The following ROR2 variants were observed in gnomAD, a reference collection of about 807,000 sequenced individuals.
ROR2 encodes the protein ROR family WNT receptor 2.
Under a neutral mutation model 74.9 loss-of-function variants are expected in ROR2, and 33 were observed. That is an observed-to-expected ratio of 0.44 (90% CI 0.33 to 0.59). The LOEUF is 0.59. Among genes scored for constraint, ROR2 ranks in the 20% least tolerant of loss-of-function variants. The pLI is 0.02. For missense variants in ROR2, 1,216 were observed against 1,313.8 expected (o/e 0.93, Z 1.15); for synonymous variants, 586 against 558.7 (o/e 1.05, Z -0.69).
At chr9:91,891,945 G>A (rs976492170) in intron 1 of ROR2, among the ~76,000 whole-genome samples, 7 of 151,122 alleles carry the variant, frequency 4.6e-5, no homozygotes, top group African/African-American at 2.4e-5. Context: ...CTACTTAGGA[G>A]AATGAGGCAG....
chr9:91,875,608 A>T (rs1829934258), intron 1 of ROR2, among the ~76,000 whole-genome samples: 1 of 152,232 alleles, frequency 6.6e-6, no homozygotes, highest in African/African-American at 2.4e-5. Flanking sequence ...AAAGGTCACA[A>T]GACGTGCCAA....
chr9:91,833,058 C>T (rs1828511320), intron 1 of ROR2, among the ~76,000 whole-genome samples: 1 of 152,140 alleles, frequency 6.6e-6, no homozygotes, highest in African/African-American at 2.4e-5. Context: ...CTCCCCTAAG[C>T]CCTGCAACAC....
intron 1 of ROR2, among the ~76,000 whole-genome samples, chr9:91,785,531 C>G (rs984887718): frequency 6.6e-6 from 1 of 152,232 alleles, no homozygotes; most frequent in Non-Finnish European, 1.5e-5. Flanking sequence ...ACTAGGCACT[C>G]GAAAAATATC....
intron 1 of ROR2, among the ~76,000 whole-genome samples, chr9:91,847,461 A>G (rs1828965160): frequency 6.6e-6 from 1 of 152,168 alleles, no homozygotes; most frequent in Admixed American, 6.5e-5. Flanking sequence ...TGCATACCAC[A>G]CATATACTCC....
chr9:91,926,219 TAAAA>T lies in ROR2; in HGVS notation c.97+23644_97+23647del, dbSNP rs113100413. On this transcript the variant is annotated intron_variant, in intron 1 of 8. Transcript: ENST00000375708. ...ACATGGTGAAACCCCATCTCTACTT[TAAAA>T]AAAAAAAAAAATTAGCAGGGCATGT... 7.0e-5 allele frequency among the ~76,000 whole-genome samples: 10 copies of T among 143,372 alleles called. No individual in the cohort carries two copies. The South Asian group carries it at 2.2e-3, about 32-fold the overall frequency. The allele number at this position is 143,372 out of a possible 152,430, so 94.1% of individuals were successfully genotyped here.
At chr9:91,947,731 G>A (rs1023635785) in intron 1 of ROR2, among the ~76,000 whole-genome samples, 2 of 152,176 alleles carry the variant, frequency 1.3e-5, no homozygotes, top group Non-Finnish European at 2.9e-5. Context: ...CTATTAAAAT[G>A]TGGAATAAGA....
intron 1 of ROR2, among the ~76,000 whole-genome samples, chr9:91,818,607 T>C (rs1020121685): frequency 6.6e-6 from 1 of 152,122 alleles, no homozygotes; most frequent in African/African-American, 2.4e-5. Context: ...AGAGGAAGCA[T>C]ATGCCACAAA....
At chr9:91,793,105 G>A (rs1311872397) in intron 1 of ROR2, among the ~76,000 whole-genome samples, 1 of 152,008 alleles carries the variant, frequency 6.6e-6, no homozygotes, top group Non-Finnish European at 1.5e-5. Context: ...CAAAAACATC[G>A]AAGGAAACAA....
At chr9:91,805,309 C>A (rs901375328) in intron 1 of ROR2, among the ~76,000 whole-genome samples, 4 of 152,204 alleles carry the variant, frequency 2.6e-5, no homozygotes, top group Non-Finnish European at 4.4e-5. Context: ...ATTTGAGAGA[C>A]CATCATCCAG....
In ROR2 at chr9:91,926,562, A is replaced by G. The variant is rs572730693; in HGVS notation, c.97+23305T>C. 2.0e-5 allele frequency among the ~76,000 whole-genome samples: 3 copies of G among 151,580 alleles called. No individual in the cohort carries two copies. In the South Asian group the frequency reaches 6.2e-4, roughly 32 times the overall value. ...CCATCTCAAAAAAAAAAAAAAAAAG[A>G]AGACATCCTATATTTATCCTTGCAA... On this transcript the variant is annotated intron_variant, in intron 1 of 8. Coordinates refer to ENST00000375708, the MANE Select transcript of ROR2 (RefSeq NM_004560.4).
chr9:91,747,202 C>T (rs1477235487), intron 4 of ROR2, among the ~76,000 whole-genome samples: 3 of 152,238 alleles, frequency 2.0e-5, no homozygotes, highest in African/African-American at 4.8e-5. Flanking sequence ...TCTGTGGAGG[C>T]ACCGCCTTTT....
intron 1 of ROR2, chr9:91,883,234 C>G (rs1364610568): frequency 6.6e-6 from 1 of 152,126 alleles, no homozygotes; most frequent in Non-Finnish European, 1.5e-5. Flanking sequence ...GAATTATTAA[C>G]ACAAAACAGA....
intron 1 of ROR2, among the ~76,000 whole-genome samples, chr9:91,853,382 G>A (rs1350883925): frequency 6.6e-6 from 1 of 152,160 alleles, no homozygotes; most frequent in African/African-American, 2.4e-5. Flanking sequence ...ACACAGCCTG[G>A]GGTCAAAAAG....
At chr9:91,777,761 T>C (rs1352040236) in intron 1 of ROR2, among the ~76,000 whole-genome samples, 81 of 152,210 alleles carry the variant, frequency 5.3e-4, no homozygotes, top group Non-Finnish European at 5.9e-5. Context: ...TGGATTTACC[T>C]ATTCTGGACA....
chr9:91,891,954 A>G (rs781689045), intron 1 of ROR2, among the ~76,000 whole-genome samples: 5 of 151,920 alleles, frequency 3.3e-5, no homozygotes, highest in Non-Finnish European at 7.4e-5. Context: ...AGAATGAGGC[A>G]GAAGAACTGC....
At chr9:91,769,453 C>T (rs899436715) in intron 2 of ROR2, among the ~76,000 whole-genome samples, 1 of 152,178 alleles carries the variant, frequency 6.6e-6, no homozygotes, top group Non-Finnish European at 1.5e-5. Context: ...CCTGGGGGTT[C>T]CCTGAGCACG....
intron 1 of ROR2, among the ~76,000 whole-genome samples, chr9:91,900,114 TGACA>T (rs779337786): frequency 6.6e-6 from 1 of 152,150 alleles, no homozygotes. Context: ...GCCTGCAAAC[TGACA>T]GACAGCAAGT....
At chr9:91,878,004 A>G (rs916877162) in intron 1 of ROR2, among the ~76,000 whole-genome samples, 1 of 152,326 alleles carries the variant, frequency 6.6e-6, no homozygotes, top group African/African-American at 2.4e-5. Flanking sequence ...CCCATAATTT[A>G]TGTAAGCCTC....
intron 5 of ROR2, among the ~76,000 whole-genome samples, chr9:91,735,648 C>CA: frequency 1.2e-5 from 1 of 81,512 alleles, no homozygotes; most frequent in Non-Finnish European, 2.2e-5. Flanking sequence ...TTTTTTGAGA[C>CA]AGAGTCTTGC....
Sources: gnomAD v4.1 joint callset for allele counts (sites outside exome capture counted in the v4.1 genomes callset) on GRCh38, gnomAD v4.1.1 for gene constraint, MANE v1.5 for transcripts, NCBI Gene and HGNC (gene_info 2026-07-23, HGNC 2026-07-21) for gene names.